The following MS4A14 variants were observed in gnomAD, a reference collection of about 807,000 sequenced individuals.
MS4A14 encodes the protein membrane spanning 4-domains A14.
In MS4A14, 18 loss-of-function variants were observed where a neutral mutation model predicts 16.7. The observed-to-expected ratio is 1.08, with a 90% confidence interval of 0.75 to 1.60. The LOEUF (loss-of-function observed/expected upper bound fraction) is 1.60, where lower values mean the gene tolerates loss of function less well. Ranked by LOEUF, MS4A14 falls within the 40% of genes most tolerant of loss-of-function variation. MS4A14 has a pLI of 0.00. For missense variants in MS4A14, 812 were observed against 775.3 expected, an observed-to-expected ratio of 1.05 and a Z score of -0.56; for synonymous variants, 305 against 289.4, an observed-to-expected ratio of 1.05 and a Z score of -0.55.
chr11:60,410,839 T>TTTG (rs1565178356), intron 4 of MS4A14, among the ~76,000 whole-genome samples: 1 of 151,954 alleles, frequency 6.6e-6, no homozygotes, highest in African/African-American at 2.4e-5. Flanking sequence ...GGGTTTTTTT[T>TTTG]TTTGTTTGTT....
At position 60,417,106 on chromosome 11, in the gene MS4A14, G is replaced by A. The variant is rs538312488; in HGVS notation, c.*98G>A. On this transcript the variant is annotated 3_prime_UTR_variant, in exon 5 of 5. Coordinates refer to ENST00000300187, the MANE Select transcript of MS4A14 (RefSeq NM_032597.5). Reference sequence around the variant, plus strand: ...ATCTATTAGAGAAAGAAGCCCTAAAGCAGAAAGCTCTATACCAAGAAGTCC... The same window carrying A: ...ATCTATTAGAGAAAGAAGCCCTAAAACAGAAAGCTCTATACCAAGAAGTCC... 4.2e-4 allele frequency: 609 copies of A among 1,448,280 alleles called. No individual in the cohort carries two copies. In the African/African-American group the frequency reaches 6.3e-3, roughly 15 times the overall value. The allele number at this position is 1,448,280 out of a possible 1,614,324, so 89.7% of individuals were successfully genotyped here.
At chr11:60,409,502 T>C (rs1590816180) in intron 4 of MS4A14, among the ~76,000 whole-genome samples, 1 of 151,512 alleles carries the variant, frequency 6.6e-6, no homozygotes, top group Non-Finnish European at 1.5e-5. Context: ...AGAATTACAT[T>C]CTGTTTTATG....
At chr11:60,410,398 T>C (rs1021297881) in intron 4 of MS4A14, among the ~76,000 whole-genome samples, 2 of 152,232 alleles carry the variant, frequency 1.3e-5, no homozygotes, top group Non-Finnish European at 2.9e-5. Flanking sequence ...TCTCCTATTC[T>C]GTAGGTTGTC....
intron 4 of MS4A14, among the ~76,000 whole-genome samples, chr11:60,410,072 T>C (rs144456546): frequency 2.4e-4 from 37 of 152,318 alleles, no homozygotes; most frequent in African/African-American, 8.7e-4. Context: ...CTGTCAGGGC[T>C]GGTCTTGAAC....
In MS4A14 at chr11:60,403,109, C is replaced by T; in HGVS notation, c.468+48C>T. The T allele has an allele frequency of 3.2e-6, 5 of 1,567,552 alleles. No homozygotes were observed. In the South Asian group the frequency reaches 3.3e-5, roughly 10 times the overall value. On this transcript the variant is annotated intron_variant, in intron 4 of 4. Transcript: ENST00000300187. ...AAGAATCCCTAAAATCTTCTCTGAACTGTGTCCATGATGTAATGATTCACT... is the reference window on the plus strand; with the variant it reads ...AAGAATCCCTAAAATCTTCTCTGAATTGTGTCCATGATGTAATGATTCACT...
At chr11:60,398,593 G>C (rs953990614) in intron 2 of MS4A14, among the ~76,000 whole-genome samples, 1 of 152,180 alleles carries the variant, frequency 6.6e-6, no homozygotes, top group African/African-American at 2.4e-5. Flanking sequence ...AGACAGCAGT[G>C]TTACTGTCTG....
chr11:60,402,127 C>G (rs1163126930), intron 3 of MS4A14, among the ~76,000 whole-genome samples: 2 of 152,068 alleles, frequency 1.3e-5, no homozygotes, highest in African/African-American at 4.8e-5. Context: ...CAGATGACCC[C>G]CTTCCTGTAA....
chr11:60,401,020 C>T (rs749422169), intron 3 of MS4A14, among the ~76,000 whole-genome samples: 1 of 152,184 alleles, frequency 6.6e-6, no homozygotes, highest in Non-Finnish European at 1.5e-5. Context: ...AGATCCTGCC[C>T]AAGGTCTGGA....
At chr11:60,406,764 C>A (rs924012031) in intron 4 of MS4A14, among the ~76,000 whole-genome samples, 1 of 152,176 alleles carries the variant, frequency 6.6e-6, no homozygotes, top group South Asian at 2.1e-4. Context: ...AGGTATAGTG[C>A]ATTCCTAGCA....
chr11:60,416,449 C>A lies in MS4A14; in HGVS notation c.1481C>A (p.Ala494Asp). The A allele has an allele frequency of 2.5e-6, 4 of 1,613,948 alleles. No individual in the cohort carries two copies. Among genetic ancestry groups the A allele is most frequent in the Non-Finnish European group, 2.5e-6 (3 of 1,179,936 alleles). Residue 494 changes from alanine (A) to aspartate (D), a missense_variant, in exon 5 of 5, where the codon GCC (alanine) becomes GAC (aspartate). Physicochemically the swap from Ala to Asp is moderately radical, Grantham distance 126. Coordinates refer to ENST00000300187, the MANE Select transcript of MS4A14 (RefSeq NM_032597.5). ...CATTCCTTAAACCAGCAAACCAAAGCCTTGCAATACTTAAGGAGACATTCT... is the reference window on the plus strand; with the variant it reads ...CATTCCTTAAACCAGCAAACCAAAGACTTGCAATACTTAAGGAGACATTCT... ...RRHSLNQQTKALQYLRRHSLD... is the reference protein window; with the variant it reads ...RRHSLNQQTKDLQYLRRHSLD...
rs565305138 is a variant in MS4A14, at chr11:60,412,037, T to G, written c.469-3400T>G. On this transcript the variant is annotated intron_variant, in intron 4 of 4. Transcript: ENST00000300187. Reference sequence around the variant, plus strand: ...ATGACTGTGTGGGGGTTTTCCAACATTATATTAATGTAATGTATTACATTT... The same window carrying G: ...ATGACTGTGTGGGGGTTTTCCAACAGTATATTAATGTAATGTATTACATTT... Among the ~76,000 whole-genome samples, 45 of 152,238 alleles carry G rather than the reference T, an allele frequency of 3.0e-4. 1 individual carries two copies. The highest frequency in any genetic ancestry group is 2.7e-3 in the South Asian group (13 of 4,828).
In MS4A14 at chr11:60,415,796, T is replaced by C; in HGVS notation, c.828T>C (p.Asp276=). The C allele has an allele frequency of 6.2e-7, 1 of 1,613,886 alleles. No individual in the cohort carries two copies. The highest frequency in any genetic ancestry group is 8.5e-7 in the Non-Finnish European group (1 of 1,179,914). Residue 276 remains aspartate (D), a synonymous_variant, in exon 5 of 5, where the codon GAT becomes GAC. Coordinates refer to ENST00000300187, the MANE Select transcript of MS4A14 (RefSeq NM_032597.5). ...QLDSTFKQMK[D]EDLQSAIVQP... ...ACTCTACATTTAAACAAATGAAAGA[T>C]GAAGATCTACAATCTGCTATTGTAC...
At chr11:60,401,143 G>A (rs2085707583) in intron 3 of MS4A14, among the ~76,000 whole-genome samples, 1 of 152,186 alleles carries the variant, frequency 6.6e-6, no homozygotes, top group Non-Finnish European at 1.5e-5. Flanking sequence ...TATTTTGAGA[G>A]TTTAATGAGA....
chr11:60,408,579 T>C (rs1276956327), intron 4 of MS4A14, among the ~76,000 whole-genome samples: 2 of 152,194 alleles, frequency 1.3e-5, no homozygotes, highest in Admixed American at 6.5e-5. Context: ...TCTAACTGGC[T>C]TATTTGAGTA....
In MS4A14 at chr11:60,397,892, G is replaced by A. The variant is rs2085652502; in HGVS notation, c.179G>A (p.Gly60Glu). The A allele has an allele frequency of 1.2e-6, 2 of 1,613,000 alleles. No individual in the cohort carries two copies. Among genetic ancestry groups the A allele is most frequent in the African/African-American group, 1.3e-5 (1 of 74,822 alleles). ...ILLALIIVGFGTIFALNYIGF... is the reference protein window; with the variant it reads ...ILLALIIVGFETIFALNYIGF... ...CTTGCTCTAATCATTGTGGGCTTTG[G>A]AACTATATTTGCACTTAATTACATC... The change falls in exon 2 of 5, where the codon GGA becomes GAA. Residue 60 changes from glycine (G) to glutamate (E), a missense_variant. Physicochemically the swap from Gly to Glu is moderately conservative, Grantham distance 98 (BLOSUM62 -2). Transcript: ENST00000300187.
Position 60,403,033 on chromosome 11 carries a change from T to C in MS4A14, c.440T>C (p.Ile147Thr), listed in dbSNP as rs1465454751. 2 of 1,613,648 alleles carry C rather than the reference T, an allele frequency of 1.2e-6. No individual in the cohort carries two copies. The highest frequency in any genetic ancestry group is 1.3e-5 in the African/African-American group (1 of 74,896). The stretch of plus-strand genomic sequence containing the variant: ...TGCCAGATGCCATCCTTTGAAGAAA[T>C]ATGTGTTTTCAGTAGAACTCTTTTC... ...KYCQMPSFEE[I>T]CVFSRTLFIV... The change falls in exon 4 of 5, where the codon ATA (isoleucine) becomes ACA (threonine). Residue 147 changes from isoleucine to threonine, a missense_variant. Ile to Thr is a moderately conservative substitution (Grantham distance 89, BLOSUM62 -1). Coordinates refer to ENST00000300187, the MANE Select transcript of MS4A14 (RefSeq NM_032597.5).
At position 60,406,067 on chromosome 11, in the gene MS4A14, T is replaced by C; in HGVS notation, c.468+3006T>C. The C allele has an allele frequency of 6.7e-6, 6 of 899,370 alleles. No homozygotes were observed. In the South Asian group the frequency reaches 1.2e-4, roughly 18 times the overall value. The allele number at this position is 899,370 out of a possible 1,614,324, so 55.7% of individuals were successfully genotyped here. A position where few individuals can be genotyped will look rare whatever the true frequency, so the allele number is the denominator to read the frequency against. ...GGATACTGCACACAATGATGTCTGA[T>C]TTATTAGTAGGAAAAGCAGCATGCT... On this transcript the variant is annotated intron_variant, in intron 4 of 4. Coordinates refer to ENST00000300187, the MANE Select transcript of MS4A14 (RefSeq NM_032597.5).
At chr11:60,413,331 A>G (rs956890901) in intron 4 of MS4A14, among the ~76,000 whole-genome samples, 1 of 151,818 alleles carries the variant, frequency 6.6e-6, no homozygotes, top group Non-Finnish European at 1.5e-5. Context: ...TTGCCCTATT[A>G]CACTGTGTAG....
chr11:60,415,911 A>C lies in MS4A14; in HGVS notation c.943A>C (p.Ile315Leu), dbSNP rs1296681401. ...PSHSALKLEDISPEDLPSQAL... is the reference protein window; with the variant it reads ...PSHSALKLEDLSPEDLPSQAL... The stretch of plus-strand genomic sequence containing the variant: ...CCATTCTGCACTAAAACTCGAAGAT[A>C]TATCACCTGAAGACTTGCCATCCCA... The change falls in exon 5 of 5, where the codon ATA becomes CTA. Residue 315 changes from isoleucine (I) to leucine (L), a missense_variant. Ile to Leu is a conservative substitution (Grantham distance 5, BLOSUM62 2). Transcript: ENST00000300187. The C allele has an allele frequency of 1.9e-6, 3 of 1,613,856 alleles. No individual in the cohort carries two copies. The African/African-American group carries it at 4.0e-5, about 22-fold the overall frequency.
Sources: allele counts gnomAD v4.1 joint callset (sites outside exome capture counted in the v4.1 genomes callset), GRCh38; gene constraint gnomAD v4.1.1; transcripts MANE v1.5; gene names NCBI Gene and HGNC (gene_info 2026-07-23, HGNC 2026-07-21).